AP4E1: variants seen among roughly 807,000 people sequenced by gnomAD.
AP4E1 encodes adaptor related protein complex 4 subunit epsilon 1, also known as AP-4 complex subunit epsilon-1.
Under a neutral mutation model 128.2 loss-of-function variants are expected in AP4E1, and 56 were observed. That is an observed-to-expected ratio of 0.44 (90% CI 0.35 to 0.55). The LOEUF (loss-of-function observed/expected upper bound fraction) is 0.55. Among genes scored for constraint, AP4E1 ranks in the 20% least tolerant of loss-of-function variants. The probability of loss-of-function intolerance (pLI) is 0.00; values close to 1 mark genes in which losing one functional copy is unlikely to be tolerated. For missense variants in AP4E1, 1,324 were observed against 1,307.7 expected (o/e 1.01, Z -0.19); for synonymous variants, 484 against 473.1 (o/e 1.02, Z -0.30).
chr15:50,921,506 G>C (rs150476312), intron 3 of AP4E1, among the ~76,000 whole-genome samples: 1 of 151,770 alleles, frequency 6.6e-6, no homozygotes, highest in Non-Finnish European at 1.5e-5. Context: ...GTGTCACCAC[G>C]TCTGTCTAAT....
chr15:50,924,066 C>T, intron 4 of AP4E1, 62 bp downstream of exon 4: 2 of 1,355,726 alleles, frequency 1.5e-6, no homozygotes, highest in Middle Eastern at 1.8e-4. Context: ...GATATTTCTC[C>T]TCGATCATAT....
At chr15:50,965,174 C>G (rs1433871411) in intron 14 of AP4E1, among the ~76,000 whole-genome samples, 1 of 152,102 alleles carries the variant, frequency 6.6e-6, no homozygotes, top group Non-Finnish European at 1.5e-5. Context: ...ATAAATTACC[C>G]AGTCTCAAGT....
At chr15:50,968,830 TGG>T (rs2064433421) in intron 15 of AP4E1, among the ~76,000 whole-genome samples, 1 of 131,198 alleles carries the variant, frequency 7.6e-6, no homozygotes. Flanking sequence ...GTTTCAAACT[TGG>T]CCAGGCTGGT....
intron 8 of AP4E1, among the ~76,000 whole-genome samples, chr15:50,935,078 A>G (rs952439081): frequency 2.6e-5 from 4 of 152,160 alleles, no homozygotes; most frequent in African/African-American, 9.6e-5. Flanking sequence ...CAGATATTTT[A>G]TTAAATTTCT....
intron 16 of AP4E1, among the ~76,000 whole-genome samples, 196 bp downstream of exon 16, chr15:50,984,341 A>T (rs563196176): frequency 6.6e-6 from 1 of 151,978 alleles, no homozygotes; most frequent in East Asian, 1.9e-4. Context: ...GTTCTAGGGT[A>T]CAGGTTCACA....
chr15:50,994,187 A>T (rs952552188), intron 17 of AP4E1, among the ~76,000 whole-genome samples: 1 of 152,226 alleles, frequency 6.6e-6, no homozygotes, highest in Non-Finnish European at 1.5e-5. Context: ...TACAAAAATG[A>T]TAATTATATT....
At chr15:50,988,271 A>G (rs1354224234) in intron 16 of AP4E1, among the ~76,000 whole-genome samples, 2 of 152,182 alleles carry the variant, frequency 1.3e-5, no homozygotes, top group Non-Finnish European at 2.9e-5. Context: ...TCTAGAACTC[A>G]GTTCTGCTGA....
At position 50,941,727 on chromosome 15, in the gene AP4E1, G is replaced by A; in HGVS notation, c.1128G>A (p.Met376Ile). Residue 376 changes from methionine (M) to isoleucine (I), a missense_variant, in exon 10 of 21, where the codon ATG (methionine) becomes ATA (isoleucine). Coordinates refer to ENST00000261842, the MANE Select transcript of AP4E1 (RefSeq NM_007347.5). Reference protein sequence around the residue: ...QDPTLALQHQMTIIECLDHPD... With the variant: ...QDPTLALQHQITIIECLDHPD... ...CTACTCTGGCTCTTCAACACCAGAT[G>A]ACAATAATTGAATGTTTAGATCATC... 2 of 1,613,312 alleles carry A rather than the reference G, an allele frequency of 1.2e-6. No individual in the cohort carries two copies. Among genetic ancestry groups the A allele is most frequent in the South Asian group, 1.1e-5 (1 of 91,058 alleles).
chr15:50,936,462 G>A (rs1048400238), intron 8 of AP4E1, among the ~76,000 whole-genome samples: 1 of 151,344 alleles, frequency 6.6e-6, no homozygotes, highest in South Asian at 2.1e-4. Flanking sequence ...TATGCACATG[G>A]GTCAAAATTC....
At chr15:50,924,961 T>A (rs961918265) in intron 4 of AP4E1, 137 bp from the exon 5 acceptor site, 1 of 1,035,652 alleles carries the variant, frequency 9.7e-7, no homozygotes, top group Non-Finnish European at 1.4e-6. Flanking sequence ...CAATAAAATA[T>A]GCCATAAGTT....
At chr15:50,984,276 G>T in intron 16 of AP4E1, 131 bp downstream of exon 16, 1 of 1,133,212 alleles carries the variant, frequency 8.8e-7, no homozygotes, top group Non-Finnish European at 1.3e-6. Flanking sequence ...CTTTCAAGAG[G>T]TCTATTGTTT....
intron 8 of AP4E1, among the ~76,000 whole-genome samples, chr15:50,939,010 A>G (rs900491450): frequency 6.6e-6 from 1 of 152,236 alleles, no homozygotes; most frequent in Non-Finnish European, 1.5e-5. Context: ...TTGAGCATAC[A>G]TAATCCAACC....
chr15:50,983,559 T>G (rs540448446), intron 15 of AP4E1, among the ~76,000 whole-genome samples: 9 of 152,176 alleles, frequency 5.9e-5, no homozygotes, highest in Non-Finnish European at 1.3e-4. Context: ...TTAAAAGGAA[T>G]CAGAATCTGT....
chr15:50,979,384 G>T (rs12595034), intron 15 of AP4E1, among the ~76,000 whole-genome samples: 6 of 151,742 alleles, frequency 4.0e-5, no homozygotes, highest in African/African-American at 7.3e-5. Flanking sequence ...GTTGTTACAA[G>T]AGTGAGTTTG....
intron 2 of AP4E1, 51 bp downstream of exon 2, chr15:50,912,200 T>C: frequency 2.2e-6 from 3 of 1,367,104 alleles, no homozygotes; most frequent in Non-Finnish European, 3.1e-6. Context: ...ATCTAGTCAC[T>C]GTGGACTCAA....
rs139885701 is a variant in AP4E1 at position 50,949,582 on chromosome 15, G to C, written c.1317-244G>C. ...TCAGTTATTTCACATTTATTTATTGGATGACTGTTTTGTGCAAGTATGGTG... is the reference window on the plus strand; with the variant it reads ...TCAGTTATTTCACATTTATTTATTGCATGACTGTTTTGTGCAAGTATGGTG... On this transcript the variant is annotated intron_variant, in intron 11 of 20. Transcript: ENST00000261842. Among the ~76,000 whole-genome samples, 463 of 151,962 alleles carry C rather than the reference G, an allele frequency of 3.0e-3. 1 individual carries two copies. The highest frequency in any genetic ancestry group is 5.8e-3 in the Non-Finnish European group (397 of 67,982).
chr15:50,936,500 C>T (rs1416654652), intron 8 of AP4E1, among the ~76,000 whole-genome samples: 1 of 151,968 alleles, frequency 6.6e-6, no homozygotes, highest in Non-Finnish European at 1.5e-5. Flanking sequence ...ATACAATGAA[C>T]AGTAAGTGTC....
chr15:50,949,306 G>C (rs1027751945), intron 11 of AP4E1, among the ~76,000 whole-genome samples: 1 of 151,606 alleles, frequency 6.6e-6, no homozygotes, highest in East Asian at 1.9e-4. Context: ...CCAGATACTC[G>C]GGAGGCTGAG....
intron 19 of AP4E1, among the ~76,000 whole-genome samples, 157 bp from the exon 20 acceptor site, chr15:51,000,869 T>C (rs552467984): frequency 3.3e-5 from 5 of 152,322 alleles, no homozygotes; most frequent in Middle Eastern, 3.4e-3. Context: ...TGGAGGATGA[T>C]ACTAACCATT....
Sources: allele counts gnomAD v4.1 joint callset (sites outside exome capture counted in the v4.1 genomes callset), GRCh38; gene constraint gnomAD v4.1.1; transcripts MANE v1.5; gene names NCBI Gene and HGNC (gene_info 2026-07-23, HGNC 2026-07-21).